The following PRICKLE2 variants were observed in gnomAD, a reference collection of about 807,000 sequenced individuals.
PRICKLE2 encodes the protein prickle planar cell polarity protein 2.
A neutral mutation model predicts 81.4 loss-of-function variants in PRICKLE2; 21 were observed. The ratio of observed to expected loss-of-function variants is 0.26; its 90% CI spans 0.18 to 0.37. The LOEUF is 0.37. Among genes scored for constraint, PRICKLE2 ranks in the 10% least tolerant of loss-of-function variants. The pLI is 1.00. For synonymous variants in PRICKLE2, 456 were observed against 421.5 expected (o/e 1.08, Z -1.00); for missense variants, 940 against 1,109.0 (o/e 0.85, Z 2.16).
At chr3:64,175,416 T>C (rs1341144364) in intron 2 of PRICKLE2, among the ~76,000 whole-genome samples, 1 of 152,232 alleles carries the variant, frequency 6.6e-6, no homozygotes, top group African/African-American at 2.4e-5. Context: ...CACCTACTTC[T>C]TAGATCGTGT....
upstream of PRICKLE2, among the ~76,000 whole-genome samples, chr3:64,230,341 C>T (rs964201060): frequency 2.0e-5 from 3 of 152,212 alleles, no homozygotes; most frequent in Admixed American, 2.0e-4. Flanking sequence ...GAATGTTTAA[C>T]ATTTAAAAAA....
At chr3:64,198,640 G>A (rs1285798989) in intron 2 of PRICKLE2, 144 bp downstream of exon 2, 4 of 852,244 alleles carry the variant, frequency 4.7e-6, no homozygotes, top group African/African-American at 1.7e-5. Context: ...TTCCACTGGG[G>A]CCCCTGGCAT....
At chr3:64,264,345 C>G (rs2079664871) in intron 2 of PRICKLE2, among the ~76,000 whole-genome samples, 1 of 152,078 alleles carries the variant, frequency 6.6e-6, no homozygotes, top group South Asian at 2.1e-4. Flanking sequence ...AGATAAAGTC[C>G]AGAGTTCCAC....
At chr3:64,238,387 C>T (rs2079213150) in intron 2 of PRICKLE2, among the ~76,000 whole-genome samples, 1 of 150,678 alleles carries the variant, frequency 6.6e-6, no homozygotes, top group Non-Finnish European at 1.5e-5. Flanking sequence ...ACTCGGGAGG[C>T]TGAGTAGGAG....
intron 1 of PRICKLE2, among the ~76,000 whole-genome samples, chr3:64,202,638 T>TTG (rs1442686594): frequency 2.6e-4 from 18 of 69,016 alleles, no homozygotes; most frequent in African/African-American, 4.8e-4. Flanking sequence ...GTTTAGGTAC[T>TTG]TGTGTGCGTG....
At chr3:64,121,601 A>G (rs1156254864) in intron 7 of PRICKLE2, among the ~76,000 whole-genome samples, 1 of 151,086 alleles carries the variant, frequency 6.6e-6, no homozygotes, top group African/African-American at 2.4e-5. Context: ...TTCTTTTGTT[A>G]GTCACAATTT....
rs747542060 is a variant in PRICKLE2, at chr3:64,099,577, C to G, written c.2009G>C (p.Arg670Pro). Residue 670 changes from arginine to proline, a missense_variant, in exon 8 of 8, where the codon CGG becomes CCG. Around this residue, in one of 2 missense-constraint regions of PRICKLE2, gnomAD observed 670 missense variants for 717.2 expected, o/e 0.93. Transcript: ENST00000638394. The surrounding 1 kb of genome is among the most constrained non-coding windows in gnomAD (Gnocchi z 4.3). ...GTCGTCGCGTGAAGTAGCTCTTCTC[C>G]GGGTGCGTTCACTCATGGGCTGGAT... ...VRIQPMSERT[R>P]RRATSRDDNR... The G allele has an allele frequency of 1.2e-6, 2 of 1,613,290 alleles. No homozygotes were observed. The highest frequency in any genetic ancestry group is 3.3e-5 in the Admixed American group (2 of 60,000).
intron 2 of PRICKLE2, among the ~76,000 whole-genome samples, chr3:64,236,985 C>T (rs953984653): frequency 1.3e-4 from 20 of 152,168 alleles, no homozygotes; most frequent in Non-Finnish European, 1.6e-4. Context: ...CCCTTAACCC[C>T]TTTGTGGGAC....
chr3:64,246,100 G>A (rs530694628), intron 2 of PRICKLE2, among the ~76,000 whole-genome samples: 13 of 152,144 alleles, frequency 8.5e-5, no homozygotes, highest in South Asian at 4.2e-4. Flanking sequence ...AAATTAGTCC[G>A]GTGTAGTGGT....
chr3:64,198,543 G>C (rs958989773), intron 2 of PRICKLE2, among the ~76,000 whole-genome samples: 1 of 152,158 alleles, frequency 6.6e-6, no homozygotes, highest in Non-Finnish European at 1.5e-5. Context: ...GATGTTTCTA[G>C]ACAATCCTGG....
chr3:64,231,780 A>T (rs573804289), intron 2 of PRICKLE2, among the ~76,000 whole-genome samples: 9 of 152,184 alleles, frequency 5.9e-5, no homozygotes, highest in African/African-American at 2.2e-4. Context: ...CCATAAACCA[A>T]AAATGTAGCA....
intron 7 of PRICKLE2, among the ~76,000 whole-genome samples, chr3:64,109,243 A>T (rs1481172515): frequency 6.6e-6 from 1 of 152,102 alleles, no homozygotes; most frequent in Admixed American, 6.5e-5. Context: ...GGGGAACTCT[A>T]AAAGTTATTT....
At chr3:64,200,300 C>A (rs2078547570) in intron 1 of PRICKLE2, 1 of 152,180 alleles carries the variant, frequency 6.6e-6, no homozygotes, top group African/African-American at 2.4e-5. Flanking sequence ...ATGTATCAAT[C>A]CTTCATCCCC....
intron 2 of PRICKLE2, among the ~76,000 whole-genome samples, chr3:64,240,681 A>G (rs1160540491): frequency 6.6e-6 from 1 of 152,152 alleles, no homozygotes; most frequent in African/African-American, 2.4e-5. Context: ...GGTTCTCACA[A>G]CATGATCCTG....
intron 7 of PRICKLE2, among the ~76,000 whole-genome samples, chr3:64,119,971 C>G (rs1178466159): frequency 5.9e-5 from 9 of 152,148 alleles, no homozygotes; most frequent in African/African-American, 2.2e-4. Context: ...AAACGAATTA[C>G]CACATGTTCT....
chr3:64,229,332 A>G (rs536805995), upstream of PRICKLE2, among the ~76,000 whole-genome samples: 9 of 152,314 alleles, frequency 5.9e-5, 1 homozygote, highest in South Asian at 1.9e-3. Flanking sequence ...TCTACTGGTC[A>G]GGTTACAGAA....
At chr3:64,130,892 C>G (rs981570406) in intron 7 of PRICKLE2, among the ~76,000 whole-genome samples, 1 of 152,168 alleles carries the variant, frequency 6.6e-6, no homozygotes, top group African/African-American at 2.4e-5. Flanking sequence ...GGTATTTTAG[C>G]CTCTGCCTTA....
intron 2 of PRICKLE2, among the ~76,000 whole-genome samples, chr3:64,169,530 G>C (rs1299700063): frequency 6.6e-6 from 1 of 152,146 alleles, no homozygotes; most frequent in Non-Finnish European, 1.5e-5. Flanking sequence ...CTTTATTAAA[G>C]ATGATGGCCA....
In PRICKLE2 at chr3:64,097,405, C is replaced by A. The variant is rs2076586236; in HGVS notation, c.*1646G>T. ...CATGGCAGATGGCCACTGAGATACACCGGGCACTACATCGACAGTACATCT... is the reference window on the plus strand; with the variant it reads ...CATGGCAGATGGCCACTGAGATACAACGGGCACTACATCGACAGTACATCT... On this transcript the variant is annotated 3_prime_UTR_variant, in exon 8 of 8. Coordinates refer to ENST00000638394, the MANE Select transcript of PRICKLE2 (RefSeq NM_198859.4). 6.6e-6 allele frequency: 1 copy of A among 152,570 alleles called. No homozygotes were observed. The highest frequency in any genetic ancestry group is 6.5e-5 in the Admixed American group (1 of 15,276). 9.5% of individuals were successfully genotyped at this position (152,570 alleles called of 1,614,324 possible).
Sources: allele counts gnomAD v4.1 joint callset (sites outside exome capture counted in the v4.1 genomes callset), GRCh38; gene constraint gnomAD v4.1.1; regional missense constraint gnomAD v4.1.1; non-coding constraint Gnocchi (gnomAD v3.1); transcripts MANE v1.5; gene names NCBI Gene and HGNC (gene_info 2026-07-23, HGNC 2026-07-21).